Variants in IL15 observed in about 807,000 individuals in gnomAD.
IL15 encodes interleukin-15.
Under a neutral mutation model 19.6 loss-of-function variants are expected in IL15, and 11 were observed. That is an observed-to-expected ratio of 0.56 (90% CI 0.35 to 0.93). The LOEUF (loss-of-function observed/expected upper bound fraction) is 0.93. Among genes scored for constraint, IL15 ranks in the 40% least tolerant of loss-of-function variants. The probability of loss-of-function intolerance (pLI) is 0.01; values close to 1 mark genes in which losing one functional copy is unlikely to be tolerated. For synonymous variants in IL15, 58 were observed against 59.6 expected (o/e 0.97, Z 0.12); for missense variants, 197 against 186.5 (o/e 1.06, Z -0.33).
At chr4:141,662,252 A>G (rs998771150) in intron 2 of IL15, among the ~76,000 whole-genome samples, 2 of 152,302 alleles carry the variant, frequency 1.3e-5, no homozygotes, top group Admixed American at 6.5e-5. Context: ...GTCCTTGTTG[A>G]CTTTTTCTTT....
chr4:141,727,868 T>G, intron 5 of IL15, 72 bp from the exon 6 acceptor site: 1 of 725,952 alleles, frequency 1.4e-6, no homozygotes, highest in Non-Finnish European at 2.4e-6. Context: ...TTTAATGTTT[T>G]CAGTAGGTTG....
At chr4:141,714,102 C>G (rs1729794748) in intron 2 of IL15, among the ~76,000 whole-genome samples, 1 of 152,104 alleles carries the variant, frequency 6.6e-6, no homozygotes, top group African/African-American at 2.4e-5. Flanking sequence ...CTGTCCCCAT[C>G]CTCCTCCTGT....
chr4:141,642,027 T>A (rs190497850), intron 1 of IL15, among the ~76,000 whole-genome samples: 9 of 151,626 alleles, frequency 5.9e-5, no homozygotes, highest in East Asian at 1.9e-4. Context: ...ATAATAATAA[T>A]AAATAATAAC....
chr4:141,684,153 T>G (rs931456657), intron 2 of IL15, among the ~76,000 whole-genome samples: 6 of 152,182 alleles, frequency 3.9e-5, no homozygotes, highest in African/African-American at 1.4e-4. Flanking sequence ...CAGCTAAAAA[T>G]TAACACAGAA....
intron 1 of IL15, among the ~76,000 whole-genome samples, chr4:141,653,597 A>G (rs1727487740): frequency 6.6e-6 from 1 of 152,050 alleles, no homozygotes; most frequent in Admixed American, 6.6e-5. Flanking sequence ...TTTTCTTTTT[A>G]CTTTAAAAAT....
chr4:141,650,089 T>C (rs1727354727), intron 1 of IL15, among the ~76,000 whole-genome samples: 1 of 152,012 alleles, frequency 6.6e-6, no homozygotes, highest in Non-Finnish European at 1.5e-5. Context: ...AAAGCAAAAG[T>C]GGTGGATTAG....
intron 3 of IL15, among the ~76,000 whole-genome samples, chr4:141,719,870 A>G (rs1480926173): frequency 2.0e-5 from 3 of 152,156 alleles, no homozygotes; most frequent in Admixed American, 6.5e-5. Flanking sequence ...TCGACAACAC[A>G]AAAGAGGCAG....
intron 2 of IL15, among the ~76,000 whole-genome samples, chr4:141,664,198 T>TAA (rs1054073864): frequency 1.4e-4 from 21 of 152,054 alleles, no homozygotes; most frequent in African/African-American, 5.1e-4. Context: ...CAGGTGGAAG[T>TAA]AAAACCTTTA....
chr4:141,730,112 T>A (rs17007610), intron 7 of IL15, 128 bp downstream of exon 7: 1 of 748,572 alleles, frequency 1.3e-6, no homozygotes, highest in South Asian at 1.5e-5. Flanking sequence ...AGTGGAGTGG[T>A]GTGCAAAAGT....
At chr4:141,693,040 A>AAAAAAAAAAAAAAAAAAAAAAAAAAT (rs1728972815) in intron 2 of IL15, among the ~76,000 whole-genome samples, 1 of 149,250 alleles carries the variant, frequency 6.7e-6, no homozygotes, top group South Asian at 2.1e-4. Context: ...AAAAAAAAAA[A>AAAAAAAAAAAAAAAAAAAAAAAAAAT]AAGATACTAC....
chr4:141,706,170 G>T (rs1402284380), intron 2 of IL15, among the ~76,000 whole-genome samples: 1 of 151,522 alleles, frequency 6.6e-6, no homozygotes, highest in African/African-American at 2.4e-5. Context: ...TATCTCTGTG[G>T]TTTGGTGGTT....
intron 1 of IL15, among the ~76,000 whole-genome samples, chr4:141,651,980 G>T (rs1727422735): frequency 6.6e-6 from 1 of 151,954 alleles, no homozygotes; most frequent in South Asian, 2.1e-4. Context: ...CCAGCAGAAA[G>T]GGTCAAAATC....
chr4:141,722,752 T>C (rs768484154), intron 5 of IL15, among the ~76,000 whole-genome samples: 38 of 151,982 alleles, frequency 2.5e-4, no homozygotes, highest in African/African-American at 8.9e-4. Context: ...GCAGACATTA[T>C]AAAAAGTGCT....
rs538161300 is a variant in IL15, at chr4:141,669,030, A to G, written c.-100+12723A>G. 2.8e-4 allele frequency among the ~76,000 whole-genome samples: 43 copies of G among 152,328 alleles called. 1 individual carries two copies. Among genetic ancestry groups the G allele is most frequent in the Middle Eastern group, 3.4e-3 (1 of 294 alleles). The stretch of plus-strand genomic sequence containing the variant: ...GTCATCTTAATGGCAATCTGTTACA[A>G]CAACTTTATAAGAAAGGGATTATTT... On this transcript the variant is annotated intron_variant, in intron 2 of 7. Transcript: ENST00000320650.
chr4:141,684,890 G>C (rs575704471), intron 2 of IL15, among the ~76,000 whole-genome samples: 1 of 151,670 alleles, frequency 6.6e-6, no homozygotes, highest in African/African-American at 2.4e-5. Context: ...AGTATACTGA[G>C]TTTGTAGTTT....
chr4:141,669,100 G>T (rs1023750550), intron 2 of IL15, among the ~76,000 whole-genome samples: 1 of 152,046 alleles, frequency 6.6e-6, no homozygotes. Flanking sequence ...TTAAAATGAT[G>T]ACAAAATAGT....
chr4:141,720,422 T>C (rs750755504), intron 3 of IL15, 47 bp from the exon 4 acceptor site: 2 of 1,006,368 alleles, frequency 2.0e-6, no homozygotes, highest in South Asian at 1.4e-5. Flanking sequence ...TAAACCTCAC[T>C]TTTTAACTAA....
intron 2 of IL15, among the ~76,000 whole-genome samples, chr4:141,659,527 G>A (rs528353427): frequency 1.3e-5 from 2 of 152,262 alleles, no homozygotes; most frequent in South Asian, 2.1e-4. Context: ...ACACAGATTA[G>A]GTATTGCTAC....
chr4:141,667,108 G>A (rs1351087675), intron 2 of IL15, among the ~76,000 whole-genome samples: 1 of 152,208 alleles, frequency 6.6e-6, no homozygotes, highest in African/African-American at 2.4e-5. Context: ...AGGAATGGAA[G>A]TGCTTGTGCT....
Sources: allele counts gnomAD v4.1 joint callset (sites outside exome capture counted in the v4.1 genomes callset), GRCh38; gene constraint gnomAD v4.1.1; transcripts MANE v1.5; gene names NCBI Gene and HGNC (gene_info 2026-07-23, HGNC 2026-07-21).